Variants in ANKFN1 observed in about 807,000 individuals in gnomAD.
ANKFN1 encodes the protein ankyrin repeat and fibronectin type III domain containing 1.
Under a neutral mutation model 108.7 loss-of-function variants are expected in ANKFN1, and 74 were observed. The observed-to-expected ratio is 0.68, with a 90% CI of 0.56 to 0.83. The LOEUF (loss-of-function observed/expected upper bound fraction) is 0.83, where lower values mean the gene tolerates loss of function less well. ANKFN1 is among the 40% of genes least tolerant of loss of function. The probability of loss-of-function intolerance (pLI) is 0.00; values close to 1 mark genes in which losing one functional copy is unlikely to be tolerated. For synonymous variants in ANKFN1, 547 were observed against 516.2 expected, an observed-to-expected ratio of 1.06 and a Z score of -0.81; for missense variants, 1,505 against 1,382.3, an observed-to-expected ratio of 1.09 and a Z score of -1.41.
At chr17:56,249,573 T>C (rs1321116050) in intron 3 of ANKFN1, among the ~76,000 whole-genome samples, 1 of 152,184 alleles carries the variant, frequency 6.6e-6, no homozygotes, top group East Asian at 1.9e-4. Context: ...AGTCCCAGAA[T>C]AGCCAAGACA....
chr17:56,353,280 G>T (rs1205312623), intron 5 of ANKFN1, among the ~76,000 whole-genome samples: 1 of 151,150 alleles, frequency 6.6e-6, no homozygotes, highest in Non-Finnish European at 1.5e-5. Context: ...CCGTTGTGCA[G>T]GCTGGAGTTC....
At chr17:56,390,605 C>T (rs1286258919) in intron 8 of ANKFN1, among the ~76,000 whole-genome samples, 1 of 152,146 alleles carries the variant, frequency 6.6e-6, no homozygotes, top group African/African-American at 2.4e-5. Context: ...GGTTCTAGAT[C>T]CTTGAGGAAT....
intron 4 of ANKFN1, among the ~76,000 whole-genome samples, chr17:56,141,572 G>T (rs1907915544): frequency 6.6e-6 from 1 of 152,194 alleles, no homozygotes; most frequent in Non-Finnish European, 1.5e-5. Flanking sequence ...AGGGCAACAA[G>T]AATGCATGGG....
chr17:56,135,869 G>A (rs761284858), intron 4 of ANKFN1, among the ~76,000 whole-genome samples: 24 of 152,156 alleles, frequency 1.6e-4, no homozygotes, highest in Non-Finnish European at 2.6e-4. Flanking sequence ...AATCCAGGAA[G>A]TAAGCAACCA....
intron 8 of ANKFN1, among the ~76,000 whole-genome samples, chr17:56,418,654 CT>C (rs1337744944): frequency 6.6e-6 from 1 of 152,024 alleles, no homozygotes; most frequent in Non-Finnish European, 1.5e-5. Context: ...CCAATTTATT[CT>C]TTTAAAACTG....
chr17:56,510,837 C>G lies in ANKFN1; in HGVS notation c.3009C>G (p.Gly1003=), dbSNP rs776955972. The change falls in exon 21 of 21, where the codon GGC becomes GGG. Residue 1003 remains glycine, a synonymous_variant. Coordinates refer to ENST00000682825, the MANE Select transcript of ANKFN1 (RefSeq NM_001370326.1). ...PLGFLGKRKP[G]KHPHYGGFSR... is the part of the protein sequence containing the mutation. ...GCTTCCTGGGAAAGCGGAAGCCAGG[C>G]AAGCACCCCCACTATGGCGGCTTCA... The G allele has an allele frequency of 2.0e-6, 3 of 1,536,064 alleles. No individual in the cohort carries two copies. Among genetic ancestry groups the G allele is most frequent in the Non-Finnish European group, 1.7e-6 (2 of 1,146,928 alleles).
At chr17:56,441,111 A>G (rs2049088679) in intron 9 of ANKFN1, among the ~76,000 whole-genome samples, 1 of 152,210 alleles carries the variant, frequency 6.6e-6, no homozygotes, top group Non-Finnish European at 1.5e-5. Context: ...ATCAGTTCAA[A>G]CTGGAGCAAA....
intron 16 of ANKFN1, 92 bp from the exon 17 acceptor site, chr17:56,480,576 T>A (rs2050659660): frequency 3.7e-6 from 5 of 1,343,598 alleles, no homozygotes; most frequent in Non-Finnish European, 5.2e-6. Flanking sequence ...AAGCATTGGT[T>A]ATCCAGGTTC....
At chr17:56,398,341 T>C (rs923819471) in intron 8 of ANKFN1, among the ~76,000 whole-genome samples, 1 of 152,136 alleles carries the variant, frequency 6.6e-6, no homozygotes, top group African/African-American at 2.4e-5. Flanking sequence ...GAAAACACAT[T>C]GTTTTCCTCC....
intron 3 of ANKFN1, among the ~76,000 whole-genome samples, chr17:56,290,308 T>G (rs1278573728): frequency 6.6e-6 from 1 of 152,190 alleles, no homozygotes; most frequent in Non-Finnish European, 1.5e-5. Flanking sequence ...AAACAGGAAC[T>G]TAAATAACTC....
intron 11 of ANKFN1, among the ~76,000 whole-genome samples, chr17:56,450,040 A>G (rs1371345584): frequency 6.6e-6 from 1 of 152,214 alleles, no homozygotes; most frequent in Non-Finnish European, 1.5e-5. Flanking sequence ...TATTTGGAGA[A>G]TTAAAGCCTA....
intron 11 of ANKFN1, among the ~76,000 whole-genome samples, chr17:56,453,391 G>T (rs149213170): frequency 2.6e-4 from 40 of 152,062 alleles, no homozygotes; most frequent in Admixed American, 2.6e-3. Context: ...TTGTGCATTT[G>T]CTTGTTTTTC....
intron 4 of ANKFN1, among the ~76,000 whole-genome samples, chr17:56,088,802 G>C (rs546873077): frequency 6.6e-6 from 1 of 151,454 alleles, no homozygotes; most frequent in South Asian, 2.1e-4. Flanking sequence ...CTTGAGAAGA[G>C]GAATGATAAC....
chr17:56,359,266 GA>G (rs1164223161), intron 6 of ANKFN1, among the ~76,000 whole-genome samples: 1 of 152,008 alleles, frequency 6.6e-6, no homozygotes, highest in African/African-American at 2.4e-5. Flanking sequence ...AGAATGTAGG[GA>G]AAAAAACCTT....
chr17:56,480,917 G>T (rs2050675256), intron 17 of ANKFN1, 99 bp downstream of exon 17: 2 of 1,278,410 alleles, frequency 1.6e-6, no homozygotes, highest in African/African-American at 3.3e-5. Context: ...GTGTGTGTGT[G>T]TGTGTAAATT....
At chr17:56,287,700 A>G (rs1177749998) in intron 3 of ANKFN1, among the ~76,000 whole-genome samples, 1 of 152,220 alleles carries the variant, frequency 6.6e-6, no homozygotes, top group Non-Finnish European at 1.5e-5. Context: ...ATCTTTTTTC[A>G]TAGCAAAATA....
intron 6 of ANKFN1, among the ~76,000 whole-genome samples, chr17:56,367,832 T>C (rs1391039567): frequency 6.6e-6 from 1 of 152,188 alleles, no homozygotes; most frequent in African/African-American, 2.4e-5. Flanking sequence ...GCCTTTCTAT[T>C]TTCTAAATCA....
chr17:56,133,985 C>T (rs1057399517), intron 4 of ANKFN1, among the ~76,000 whole-genome samples: 3 of 152,056 alleles, frequency 2.0e-5, no homozygotes, highest in Non-Finnish European at 4.4e-5. Context: ...AGACTTACCC[C>T]AACTTTTGAT....
rs368672864 is a variant in ANKFN1 at position 56,096,393 on chromosome 17, T to A, written c.288+50068T>A. Among the ~76,000 whole-genome samples the A allele has an allele frequency of 3.9e-5, 6 of 152,220 alleles. No individual in the cohort carries two copies. In the East Asian group the frequency reaches 5.8e-4, roughly 15 times the overall value. On this transcript the variant is annotated intron_variant, in intron 4 of 12. Transcript: ENST00000635860. ...CCCAAATAGTCCTAGAGATGAAATT[T>A]GAATTAAAGTCTACCAGACTTTGGT...
Sources: gnomAD v4.1 joint callset for allele counts (sites outside exome capture counted in the v4.1 genomes callset) on GRCh38, gnomAD v4.1.1 for gene constraint, MANE v1.5 for transcripts, NCBI Gene and HGNC (gene_info 2026-07-23, HGNC 2026-07-21) for gene names.